The following TGFA variants were observed in gnomAD, a reference collection of about 807,000 sequenced individuals.
TGFA encodes the protein protransforming growth factor alpha.
TGFA carries 12 observed loss-of-function variants against 21.7 expected under a neutral mutation model. The observed-to-expected ratio is 0.55, with a 90% CI of 0.35 to 0.90. TGFA has a LOEUF of 0.90. Among genes scored for constraint, TGFA ranks in the 40% least tolerant of loss-of-function variants. The pLI, the probability that TGFA is intolerant of heterozygous loss-of-function variation, is 0.01. For synonymous variants in TGFA, 79 were observed against 88.1 expected (o/e 0.90, Z 0.58); for missense variants, 178 against 210.8 (o/e 0.84, Z 0.96).
intron 1 of TGFA, among the ~76,000 whole-genome samples, chr2:70,529,617 G>C (rs1251167182): frequency 1.3e-5 from 2 of 151,188 alleles, no homozygotes; most frequent in Non-Finnish European, 3.0e-5. Flanking sequence ...GAAAAGAGCA[G>C]GTGGCTGCTG....
chr2:70,523,845 A>T (rs1553502620), intron 1 of TGFA, among the ~76,000 whole-genome samples: 1 of 152,156 alleles, frequency 6.6e-6, no homozygotes, highest in Non-Finnish European at 1.5e-5. Context: ...TGCCACTAAC[A>T]AGTGCCCAGA....
Position 70,456,502 on chromosome 2 carries a change from G to C in TGFA, c.216-14C>G. On this transcript the variant is annotated splice_polypyrimidine_tract_variant and intron_variant, in intron 3 of 5. Transcript: ENST00000295400. The stretch of plus-strand genomic sequence containing the variant: ...CCAGAATGGCAGCTGGGGAAGAAAG[G>C]AACGTCAGTGCACTCTCCTGACAAA... The C allele has an allele frequency of 6.3e-7, 1 of 1,594,650 alleles. No individual in the cohort carries two copies. Among genetic ancestry groups the C allele is most frequent in the Non-Finnish European group, 8.5e-7 (1 of 1,170,612 alleles).
chr2:70,506,491 C>T (rs189785502), intron 2 of TGFA, among the ~76,000 whole-genome samples: 5 of 152,250 alleles, frequency 3.3e-5, no homozygotes, highest in South Asian at 2.1e-4. Context: ...ATGACTGTTA[C>T]GCACACTGAA....
Position 70,545,222 on chromosome 2 carries a change from G to T in TGFA, c.40+8506C>A, listed in dbSNP as rs1379562938. Among the ~76,000 whole-genome samples, 4 of 152,040 alleles carry T rather than the reference G, an allele frequency of 2.6e-5. No individual in the cohort carries two copies. The East Asian group carries it at 7.7e-4, about 29-fold the overall frequency. On this transcript the variant is annotated intron_variant, in intron 1 of 5. Coordinates refer to ENST00000295400, the MANE Select transcript of TGFA (RefSeq NM_003236.4). ...AGGAGATGAAGGACACGAAGGAGACGAAGGAGATGAAGAAGACAAAGAAGA... is the reference window on the plus strand; with the variant it reads ...AGGAGATGAAGGACACGAAGGAGACTAAGGAGATGAAGAAGACAAAGAAGA...
chr2:70,543,538 A>G lies in TGFA; in HGVS notation c.40+10190T>C, dbSNP rs1366317786. 4.9e-5 allele frequency among the ~76,000 whole-genome samples: 7 copies of G among 143,800 alleles called. No homozygotes were observed. In the East Asian group the frequency reaches 6.3e-4, roughly 13 times the overall value. The allele number at this position is 143,800 out of a possible 152,430, so 94.3% of individuals were successfully genotyped here. ...GAGACTCTGTCTCAAAAAAAAAAAA[A>G]AGAAAAAAAAAGACTACATTAACTG... On this transcript the variant is annotated intron_variant, in intron 1 of 5. Coordinates refer to ENST00000295400, the MANE Select transcript of TGFA (RefSeq NM_003236.4).
intron 2 of TGFA, among the ~76,000 whole-genome samples, chr2:70,476,222 C>T (rs1448207069): frequency 1.3e-5 from 2 of 151,564 alleles, no homozygotes; most frequent in African/African-American, 4.8e-5. Context: ...CTTCTTTCAT[C>T]TCTTCAAACC....
At chr2:70,514,808 G>C in intron 2 of TGFA, 51 bp downstream of exon 2, 1 of 1,593,424 alleles carries the variant, frequency 6.3e-7, no homozygotes, top group South Asian at 1.1e-5. Flanking sequence ...ACAGCAGCAG[G>C]CCCGCTCCCT....
intron 2 of TGFA, among the ~76,000 whole-genome samples, chr2:70,488,788 T>A (rs1671342556): frequency 6.6e-6 from 1 of 151,984 alleles, no homozygotes; most frequent in African/African-American, 2.4e-5. Context: ...CAACAAGGAG[T>A]TTTCCTAGTC....
chr2:70,462,377 A>G (rs1222329968), intron 3 of TGFA, among the ~76,000 whole-genome samples: 1 of 152,232 alleles, frequency 6.6e-6, no homozygotes, highest in African/African-American at 2.4e-5. Context: ...CCAGGGCTGA[A>G]CACATGCAAG....
intron 1 of TGFA, chr2:70,553,150 G>A: frequency 6.5e-7 from 1 of 1,533,820 alleles, no homozygotes; most frequent in East Asian, 2.4e-5. Flanking sequence ...TTAATTAAAG[G>A]AACCATTAAT....
intron 1 of TGFA, among the ~76,000 whole-genome samples, chr2:70,516,717 C>G (rs1036503843): frequency 1.3e-5 from 2 of 152,164 alleles, no homozygotes; most frequent in African/African-American, 4.8e-5. Flanking sequence ...CAGTTGCCCC[C>G]TTGAAGCTGG....
chr2:70,465,623 C>G lies in TGFA; in HGVS notation c.208G>C (p.Ala70Pro). ...AGAACAGGGGATACTTACACACATGCTGGCTTGTCCTCCTGCACCAAAAAC... is the reference window on the plus strand; with the variant it reads ...AGAACAGGGGATACTTACACACATGGTGGCTTGTCCTCCTGCACCAAAAAC... Reference protein sequence around the residue: ...CRFLVQEDKPACVCHSGYVGA... With the variant: ...CRFLVQEDKPPCVCHSGYVGA... Residue 70 changes from alanine (A) to proline (P), a missense_variant, in exon 3 of 6, where the codon GCA becomes CCA. By Grantham distance (27) the Ala-to-Pro change is conservative. Transcript: ENST00000295400. 1.7e-5 allele frequency: 28 copies of G among 1,614,168 alleles called. No homozygotes were observed. The highest frequency in any genetic ancestry group is 2.2e-5 in the Non-Finnish European group (26 of 1,180,020).
At chr2:70,514,990 C>T in intron 1 of TGFA, 78 bp from the exon 2 acceptor site, 1 of 1,389,454 alleles carries the variant, frequency 7.2e-7, no homozygotes, top group Non-Finnish European at 1.0e-6. Context: ...GAGGGCAGGC[C>T]CTTTGACAGG....
chr2:70,537,682 G>C (rs1209884289), intron 1 of TGFA, among the ~76,000 whole-genome samples: 1 of 152,196 alleles, frequency 6.6e-6, no homozygotes, highest in African/African-American at 2.4e-5. Flanking sequence ...TCTGAGAGAG[G>C]TGAAGAAGCT....
chr2:70,535,809 T>TA (rs1487898018), intron 1 of TGFA, among the ~76,000 whole-genome samples: 4 of 152,196 alleles, frequency 2.6e-5, no homozygotes, highest in Non-Finnish European at 5.9e-5. Flanking sequence ...TTCCTAAGAG[T>TA]AAATCCCTAA....
At chr2:70,509,728 G>A (rs1672035028) in intron 2 of TGFA, among the ~76,000 whole-genome samples, 1 of 152,164 alleles carries the variant, frequency 6.6e-6, no homozygotes, top group Non-Finnish European at 1.5e-5. Context: ...CTGGTTCCCG[G>A]GCGCCTGAGT....
intron 2 of TGFA, among the ~76,000 whole-genome samples, chr2:70,508,211 G>C (rs1671986923): frequency 6.6e-6 from 1 of 152,172 alleles, no homozygotes; most frequent in South Asian, 2.1e-4. Context: ...TTGGGACGCT[G>C]AGGCGGGTGG....
chr2:70,470,420 T>G (rs1484294461), intron 2 of TGFA, among the ~76,000 whole-genome samples: 1 of 152,190 alleles, frequency 6.6e-6, no homozygotes, highest in East Asian at 1.9e-4. Context: ...ATATATATAC[T>G]TGTTCTGCAC....
At chr2:70,536,204 C>T (rs1672962488) in intron 1 of TGFA, among the ~76,000 whole-genome samples, 2 of 152,186 alleles carry the variant, frequency 1.3e-5, no homozygotes, top group African/African-American at 4.8e-5. Context: ...AGTTACTAAG[C>T]AATCCTTAAT....
Sources: gnomAD v4.1 joint callset for allele counts (sites outside exome capture counted in the v4.1 genomes callset) on GRCh38, gnomAD v4.1.1 for gene constraint, MANE v1.5 for transcripts, NCBI Gene and HGNC (gene_info 2026-07-23, HGNC 2026-07-21) for gene names.